Variants in ARB2A observed in about 807,000 individuals in gnomAD.
ARB2A encodes ARB2 cotranscriptional regulator A, also known as cotranscriptional regulator ARB2A.
At chr5:93,935,086 A>G in the ARB2A span, among the ~76,000 whole-genome samples, 2 of 151,998 alleles carry the variant, frequency 1.3e-5, no homozygotes, top group Non-Finnish European at 2.9e-5. Flanking sequence ...CTTGGGGGAA[A>G]GGGTGGGAGG....
the ARB2A span, among the ~76,000 whole-genome samples, chr5:93,635,459 G>GTTTTTTTTTTTTTTTTT: frequency 3.2e-3 from 407 of 128,880 alleles, 26 homozygotes; most frequent in African/African-American, 0.012. Context: ...TTATACGAAA[G>GTTTTTTTTTTTTTTTTT]TTTTTTTTTT....
At chr5:93,759,543 C>T in the ARB2A span, among the ~76,000 whole-genome samples, 3 of 152,246 alleles carry the variant, frequency 2.0e-5, no homozygotes, top group African/African-American at 7.2e-5. Context: ...AAAAGAGAAT[C>T]CACCATGATC....
At chr5:93,754,436 G>A in the ARB2A span, among the ~76,000 whole-genome samples, 1 of 152,192 alleles carries the variant, frequency 6.6e-6, no homozygotes, top group Non-Finnish European at 1.5e-5. Context: ...CATGAAGACT[G>A]AATGGGCATA....
At chr5:93,822,074 T>C in the ARB2A span, among the ~76,000 whole-genome samples, 31 of 152,186 alleles carry the variant, frequency 2.0e-4, no homozygotes, top group Non-Finnish European at 2.1e-4. Flanking sequence ...CCTGCAGAGA[T>C]AGCAGACTAC....
chr5:93,786,817 C>T, the ARB2A span, among the ~76,000 whole-genome samples: 1 of 152,154 alleles, frequency 6.6e-6, no homozygotes, highest in South Asian at 2.1e-4. Flanking sequence ...ATACTGGAGA[C>T]AGGCAATGGT....
the ARB2A span, among the ~76,000 whole-genome samples, chr5:93,647,242 C>A: frequency 3.2e-3 from 489 of 152,182 alleles, 1 homozygote; most frequent in African/African-American, 0.011. Flanking sequence ...TTCTTCCCCC[C>A]CGAGACGGAG....
the ARB2A span, chr5:93,741,343 C>A: frequency 6.2e-7 from 1 of 1,611,568 alleles, no homozygotes; most frequent in Admixed American, 1.7e-5. Flanking sequence ...TGCTATCCAG[C>A]CCCGGAATTC....
chr5:93,692,714 G>A, the ARB2A span, among the ~76,000 whole-genome samples: 1 of 152,182 alleles, frequency 6.6e-6, no homozygotes, highest in Middle Eastern at 3.4e-3. Context: ...GACATCTACA[G>A]AAAGAATTCT....
At chr5:93,747,695 G>T in the ARB2A span, among the ~76,000 whole-genome samples, 7 of 151,996 alleles carry the variant, frequency 4.6e-5, no homozygotes, top group African/African-American at 1.7e-4. Context: ...AAATTTATCT[G>T]CTTCTAGTCC....
chr5:94,047,015 T>C, the ARB2A span, among the ~76,000 whole-genome samples: 3 of 152,208 alleles, frequency 2.0e-5, no homozygotes, highest in Non-Finnish European at 4.4e-5. Context: ...ATAAGAAGCA[T>C]GATGGTATGA....
At chr5:93,952,489 C>T in the ARB2A span, among the ~76,000 whole-genome samples, 3 of 152,094 alleles carry the variant, frequency 2.0e-5, no homozygotes, top group Admixed American at 6.5e-5. Flanking sequence ...ATATATCATG[C>T]CACTCTCCCC....
chr5:93,803,609 G>C, the ARB2A span, among the ~76,000 whole-genome samples: 1 of 151,008 alleles, frequency 6.6e-6, no homozygotes, highest in Non-Finnish European at 1.5e-5. Flanking sequence ...TAACAAATGG[G>C]TACTAGGCTT....
the ARB2A span, among the ~76,000 whole-genome samples, chr5:93,925,460 T>C: frequency 1.7e-4 from 26 of 152,286 alleles, no homozygotes; most frequent in African/African-American, 6.0e-4. Context: ...GTGTCTTACA[T>C]AATGTGTTCA....
chr5:94,098,048 G>A, the ARB2A span, among the ~76,000 whole-genome samples: 1 of 152,172 alleles, frequency 6.6e-6, no homozygotes, highest in Non-Finnish European at 1.5e-5. Flanking sequence ...AACCCTTCAG[G>A]GTTAGAGCAT....
the ARB2A span, among the ~76,000 whole-genome samples, chr5:93,945,207 C>G: frequency 2.0e-5 from 3 of 152,014 alleles, no homozygotes; most frequent in African/African-American, 4.8e-5. Flanking sequence ...CTTTGAGAGG[C>G]TGAGGTGGGA....
chr5:93,801,991 T>G, the ARB2A span, among the ~76,000 whole-genome samples: 1 of 152,122 alleles, frequency 6.6e-6, no homozygotes, highest in South Asian at 2.1e-4. Flanking sequence ...TTAGCCTGTA[T>G]TAGAGACTGA....
At chr5:94,035,010 A>G in the ARB2A span, among the ~76,000 whole-genome samples, 1 of 152,064 alleles carries the variant, frequency 6.6e-6, no homozygotes, top group Non-Finnish European at 1.5e-5. Flanking sequence ...TCATCCCAAA[A>G]CATCCCCCAC....
At chr5:93,885,272 A>G in the ARB2A span, among the ~76,000 whole-genome samples, 2 of 151,684 alleles carry the variant, frequency 1.3e-5, no homozygotes, top group African/African-American at 2.4e-5. Flanking sequence ...ATCAAGTATA[A>G]TATCTTAAAA....
the ARB2A span, among the ~76,000 whole-genome samples, chr5:93,672,751 T>C: frequency 6.6e-6 from 1 of 152,194 alleles, no homozygotes; most frequent in African/African-American, 2.4e-5. Context: ...GAAAATAGAA[T>C]TTTAAAATTC....
Sources: gnomAD v4.1 joint callset for allele counts (sites outside exome capture counted in the v4.1 genomes callset) on GRCh38, gnomAD v4.1.1 for gene constraint, MANE v1.5 for transcripts, NCBI Gene and HGNC (gene_info 2026-07-23, HGNC 2026-07-21) for gene names.